Variants in SPIRE2 observed in about 807,000 individuals in gnomAD.
The protein encoded by SPIRE2 is protein spire homolog 2.
Under a neutral mutation model 80.7 loss-of-function variants are expected in SPIRE2, and 76 were observed. That is an observed-to-expected ratio of 0.94 (90% confidence interval 0.78 to 1.14). The LOEUF is 1.14. Among genes scored for constraint, SPIRE2 ranks in the 50% most tolerant of loss-of-function variants. The pLI is 0.00. For missense variants in SPIRE2, 1,196 were observed against 1,015.3 expected, an observed-to-expected ratio of 1.18 and a Z score of -2.42; for synonymous variants, 535 against 432.6, an observed-to-expected ratio of 1.24 and a Z score of -2.94.
chr16:89,866,810 C>G (rs184246410), intron 12 of SPIRE2, among the ~76,000 whole-genome samples: 3 of 151,154 alleles, frequency 2.0e-5, no homozygotes, highest in African/African-American at 7.3e-5. Flanking sequence ...GGGGTTTCAC[C>G]ATGTTAGCCA....
chr16:89,842,481 G>A (rs1463851467), intron 1 of SPIRE2, among the ~76,000 whole-genome samples: 1 of 152,154 alleles, frequency 6.6e-6, no homozygotes, highest in South Asian at 2.1e-4. Flanking sequence ...CCGAAGTGCT[G>A]GGATTACAGG....
intron 2 of SPIRE2, among the ~76,000 whole-genome samples, chr16:89,847,577 G>T (rs942556784): frequency 6.6e-6 from 1 of 152,144 alleles, no homozygotes; most frequent in Admixed American, 6.5e-5. Context: ...TAACCTGATC[G>T]CCCTGTCCCC....
At chr16:89,847,807 G>A (rs529372806) in intron 2 of SPIRE2, among the ~76,000 whole-genome samples, 27 of 152,356 alleles carry the variant, frequency 1.8e-4, no homozygotes, top group South Asian at 1.2e-3. Flanking sequence ...GCTTTTCAGA[G>A]AAAGTTGCCA....
chr16:89,869,430 A>G lies in SPIRE2; in HGVS notation c.1807-137A>G, dbSNP rs567351545. 4.4e-5 allele frequency: 28 copies of G among 641,914 alleles called. No homozygotes were observed. The Admixed American group carries it at 6.5e-4, about 15-fold the overall frequency. The allele number at this position is 641,914 out of a possible 1,614,324, so 39.8% of individuals were successfully genotyped here. A position where few individuals can be genotyped will look rare whatever the true frequency, so the allele number is the denominator to read the frequency against. On this transcript the variant is annotated intron_variant, in intron 13 of 14. Transcript: ENST00000378247. ...AGGCACAGAGGAGACATCGGAGAGC[A>G]CAGGGACAGAGAATATTCTCCAGGA...
intron 1 of SPIRE2, among the ~76,000 whole-genome samples, chr16:89,831,261 T>G (rs1228397290): frequency 6.6e-6 from 1 of 150,834 alleles, no homozygotes; most frequent in Non-Finnish European, 1.5e-5. Context: ...GTCTGTGTGG[T>G]CCATGTGCAA....
Position 89,855,615 on chromosome 16 carries a change from C to T in SPIRE2, c.907C>T (p.Pro303Ser). ...LRKVMVDGDIPPRVKKDAHEL... is the reference protein window; with the variant it reads ...LRKVMVDGDISPRVKKDAHEL... ...CTCCCCGCAGGTGGATGGGGACATCCCGCCCCGGGTGAAGAAGGACGCTCA... is the reference window on the plus strand; with the variant it reads ...CTCCCCGCAGGTGGATGGGGACATCTCGCCCCGGGTGAAGAAGGACGCTCA... Residue 303 changes from proline to serine, a missense_variant, in exon 6 of 15, where the codon CCG becomes TCG. Physicochemically the swap from Pro to Ser is moderately conservative, Grantham distance 74. Coordinates refer to ENST00000378247, the MANE Select transcript of SPIRE2 (RefSeq NM_032451.2). The T allele has an allele frequency of 6.2e-7, 1 of 1,612,746 alleles. No homozygotes were observed. The highest frequency in any genetic ancestry group is 8.5e-7 in the Non-Finnish European group (1 of 1,179,920).
chr16:89,864,847 C>G (rs2041775504), intron 12 of SPIRE2, among the ~76,000 whole-genome samples: 4 of 152,038 alleles, frequency 2.6e-5, no homozygotes, highest in Admixed American at 2.6e-4. Flanking sequence ...AAAAAACAAA[C>G]CAGTACTCAG....
In SPIRE2 at chr16:89,828,718, C is replaced by T. The variant is rs1222835270; in HGVS notation, c.168C>T (p.Gly56=). The change falls in exon 1 of 15, where the codon GGC becomes GGT. Residue 56 remains glycine (G), a synonymous_variant. Transcript: ENST00000378247. This position sits in a 1 kb window ranked among gnomAD's most constrained non-coding sequence, Gnocchi z 5.9. ...QGCRGLRGSP[G]RRLRDTGDLL... ...GCCGCGGGCTGCGGGGCTCGCCGGG[C>T]CGGCGCCTGCGGGATACCGGGGACC... 7.2e-6 allele frequency: 9 copies of T among 1,258,502 alleles called. No homozygotes were observed. Among genetic ancestry groups the T allele is most frequent in the Non-Finnish European group, 9.0e-6 (9 of 998,578 alleles). 78.0% of individuals were successfully genotyped at this position (1,258,502 alleles called of 1,614,324 possible).
In SPIRE2 at chr16:89,844,718, G is replaced by A. The variant is rs140350855; in HGVS notation, c.245-604G>A. On this transcript the variant is annotated intron_variant, in intron 1 of 14. Coordinates refer to ENST00000378247, the MANE Select transcript of SPIRE2 (RefSeq NM_032451.2). Reference sequence around the variant, plus strand: ...CTCCCAAAGTGCCGGGATTACAGGCGTGAGCCACCGCGCCTGGCCCTCCCA... The same window carrying A: ...CTCCCAAAGTGCCGGGATTACAGGCATGAGCCACCGCGCCTGGCCCTCCCA... Among the ~76,000 whole-genome samples the A allele has an allele frequency of 4.0e-3, 605 of 152,282 alleles. 3 individuals carry two copies. Among genetic ancestry groups the A allele is most frequent in the African/African-American group, 0.014 (571 of 41,560 alleles).
chr16:89,865,965 CAAAAAA>C (rs376787173), intron 12 of SPIRE2, among the ~76,000 whole-genome samples: 2 of 57,516 alleles, frequency 3.5e-5, no homozygotes, highest in East Asian at 5.2e-4. Context: ...GAGACTGTCT[CAAAAAA>C]AAAAAAAAAA....
intron 1 of SPIRE2, among the ~76,000 whole-genome samples, chr16:89,840,577 T>C (rs1417787935): frequency 1.3e-5 from 2 of 151,508 alleles, no homozygotes; most frequent in African/African-American, 4.9e-5. Flanking sequence ...ATTTTAATGT[T>C]ACCGTAATGT....
At chr16:89,854,206 C>T (rs967064379) in intron 3 of SPIRE2, 80 bp from the exon 4 acceptor site, 10 of 1,328,742 alleles carry the variant, frequency 7.5e-6, no homozygotes, top group Admixed American at 1.9e-5. Flanking sequence ...GTGACGTGGT[C>T]GTGTCCCTGA....
At chr16:89,853,397 G>T (rs1457354089) in intron 3 of SPIRE2, among the ~76,000 whole-genome samples, 2 of 152,156 alleles carry the variant, frequency 1.3e-5, no homozygotes, top group African/African-American at 4.8e-5. Flanking sequence ...GTGAGAGAAG[G>T]GTCTCTCCAT....
chr16:89,833,436 T>C (rs2041407826), intron 1 of SPIRE2, among the ~76,000 whole-genome samples: 1 of 152,222 alleles, frequency 6.6e-6, no homozygotes. Context: ...CCAAAGGCAC[T>C]GTTTTGATTC....
chr16:89,841,818 C>T (rs530665080), intron 1 of SPIRE2, among the ~76,000 whole-genome samples: 8 of 152,242 alleles, frequency 5.3e-5, no homozygotes, highest in Admixed American at 4.6e-4. Context: ...TTGCCTCAGC[C>T]TCCCAAGTAG....
At chr16:89,847,708 G>A (rs2041576388) in intron 2 of SPIRE2, among the ~76,000 whole-genome samples, 3 of 152,236 alleles carry the variant, frequency 2.0e-5, no homozygotes, top group Admixed American at 1.3e-4. Context: ...TGCTGCCCCA[G>A]GCCTGCACCT....
chr16:89,864,806 C>G (rs2041775179), intron 12 of SPIRE2, among the ~76,000 whole-genome samples: 1 of 152,088 alleles, frequency 6.6e-6, no homozygotes, highest in African/African-American at 2.4e-5. Context: ...GAGAACAAAG[C>G]TCAAGAATAA....
chr16:89,866,599 ATTTTTT>A lies in SPIRE2; in HGVS notation c.1779-1582_1779-1577del, dbSNP rs11291938. ...GGTGAGCCACCACGCCCAGCCTTGA[ATTTTTT>A]TTTTTTTCTTTTTTCTTTTTTGAGA... On this transcript the variant is annotated intron_variant, in intron 12 of 14. Coordinates refer to ENST00000378247, the MANE Select transcript of SPIRE2 (RefSeq NM_032451.2). Among the ~76,000 whole-genome samples the A allele has an allele frequency of 6.7e-5, 10 of 148,804 alleles. No individual in the cohort carries two copies. The South Asian group carries it at 2.1e-3, about 32-fold the overall frequency.
intron 13 of SPIRE2, among the ~76,000 whole-genome samples, chr16:89,868,872 A>C (rs1048439211): frequency 6.0e-5 from 9 of 150,108 alleles, no homozygotes; most frequent in African/African-American, 2.2e-4. Flanking sequence ...ATACAAATAA[A>C]AGTATGTCAC....
Sources: gnomAD v4.1 joint callset for allele counts (sites outside exome capture counted in the v4.1 genomes callset) on GRCh38, gnomAD v4.1.1 for gene constraint, Gnocchi (gnomAD v3.1) non-coding constraint, MANE v1.5 for transcripts, NCBI Gene and HGNC (gene_info 2026-07-23, HGNC 2026-07-21) for gene names.